GARIN1A: variants seen among roughly 807,000 people sequenced by gnomAD.
GARIN1A encodes golgi associated RAB2 interactor 1A.
the GARIN1A span, among the ~76,000 whole-genome samples, chr7:128,679,647 G>A: frequency 6.6e-6 from 1 of 152,166 alleles, no homozygotes; most frequent in Non-Finnish European, 1.5e-5. Flanking sequence ...GCACAGGAAG[G>A]AAGGCCAATA....
chr7:128,704,863 T>A, the GARIN1A span, among the ~76,000 whole-genome samples: 1 of 152,162 alleles, frequency 6.6e-6, no homozygotes, highest in African/African-American at 2.4e-5. Context: ...AGTGGGTAAA[T>A]TTGCTTCTTA....
At chr7:128,674,593 A>G in the GARIN1A span, among the ~76,000 whole-genome samples, 41,096 of 152,142 alleles carry the variant, frequency 0.27, 5,920 homozygotes, top group East Asian at 0.54. Flanking sequence ...CAATGTGTAC[A>G]ACCCTTTGTG....
chr7:128,674,070 G>C, the GARIN1A span, among the ~76,000 whole-genome samples: 2 of 152,058 alleles, frequency 1.3e-5, no homozygotes, highest in African/African-American at 4.8e-5. Flanking sequence ...ATTTTTTTGT[G>C]TTTTAGTAGA....
the GARIN1A span, among the ~76,000 whole-genome samples, chr7:128,702,292 A>G: frequency 6.6e-6 from 1 of 152,254 alleles, no homozygotes; most frequent in African/African-American, 2.4e-5. Context: ...TAGTTTCTCT[A>G]AAAGGTAAAG....
the GARIN1A span, chr7:128,683,918 G>T: frequency 6.5e-6 from 1 of 153,100 alleles, no homozygotes; most frequent in South Asian, 1.9e-4. Flanking sequence ...TCTGGAGCAG[G>T]AGAAAGAAAG....
the GARIN1A span, among the ~76,000 whole-genome samples, chr7:128,689,791 G>A: frequency 3.7e-5 from 4 of 109,506 alleles, 2 homozygotes; most frequent in Non-Finnish European, 8.1e-5. Flanking sequence ...GGAGGTGGGG[G>A]GTCAGCCCCC....
At chr7:128,707,216 A>ATGTGTGTGTGTGTGTG in the GARIN1A span, among the ~76,000 whole-genome samples, 72 of 47,424 alleles carry the variant, frequency 1.5e-3, 1 homozygote, top group African/African-American at 4.6e-3. Context: ...TATTGTGTGT[A>ATGTGTGTGTGTGTGTG]TGTATGTGTG....
chr7:128,671,908 ATCCTT>A, the GARIN1A span, among the ~76,000 whole-genome samples: 13 of 151,304 alleles, frequency 8.6e-5, no homozygotes, highest in Non-Finnish European at 1.5e-5. Context: ...CCTTTTTCCT[ATCCTT>A]AGACTTCCCT....
At chr7:128,701,377 G>T in the GARIN1A span, among the ~76,000 whole-genome samples, 1 of 33,196 alleles carries the variant, frequency 3.0e-5, no homozygotes, top group African/African-American at 1.4e-4. Context: ...GAGGGGAAGG[G>T]GAGGGAGAGG....
At chr7:128,703,940 G>T in the GARIN1A span, among the ~76,000 whole-genome samples, 1 of 152,150 alleles carries the variant, frequency 6.6e-6, no homozygotes, top group Non-Finnish European at 1.5e-5. Context: ...CTGTGCATTT[G>T]TTAAAAGGTA....
At chr7:128,684,291 C>A in the GARIN1A span, 1 of 152,162 alleles carries the variant, frequency 6.6e-6, no homozygotes, top group African/African-American at 2.4e-5. Context: ...CTGGAAGATT[C>A]CTTTGTGTTG....
At chr7:128,689,258 G>A in the GARIN1A span, among the ~76,000 whole-genome samples, 1 of 152,086 alleles carries the variant, frequency 6.6e-6, no homozygotes, top group Admixed American at 6.5e-5. Context: ...CTGCCTAGCC[G>A]CCCATCGTCT....
chr7:128,681,889 C>A, the GARIN1A span, among the ~76,000 whole-genome samples: 9 of 148,154 alleles, frequency 6.1e-5, no homozygotes, highest in Admixed American at 5.6e-4. Flanking sequence ...GCACCCCCCC[C>A]CACAACCCCC....
chr7:128,684,016 G>A, the GARIN1A span: 2 of 151,616 alleles, frequency 1.3e-5, no homozygotes, highest in African/African-American at 4.8e-5. Context: ...CCACCCCCAT[G>A]ATCCAATCAC....
At chr7:128,707,679 CT>C in the GARIN1A span, among the ~76,000 whole-genome samples, 1 of 152,058 alleles carries the variant, frequency 6.6e-6, no homozygotes, top group Non-Finnish European at 1.5e-5. Flanking sequence ...TCTTGAACTC[CT>C]GGGTTCAAAT....
At chr7:128,697,795 C>G in the GARIN1A span, 1 of 153,792 alleles carries the variant, frequency 6.5e-6, no homozygotes, top group Non-Finnish European at 1.4e-5. Flanking sequence ...CTCCCAGCCC[C>G]CTGGCGGAGC....
chr7:128,681,016 G>T, the GARIN1A span, among the ~76,000 whole-genome samples: 2 of 152,250 alleles, frequency 1.3e-5, no homozygotes, highest in Non-Finnish European at 2.9e-5. Context: ...TGCTGCACAA[G>T]TGCAACTTGT....
the GARIN1A span, among the ~76,000 whole-genome samples, chr7:128,699,220 G>A: frequency 6.9e-6 from 1 of 144,088 alleles, no homozygotes; most frequent in Non-Finnish European, 1.5e-5. Flanking sequence ...CAATAATACA[G>A]AACTAAAGTA....
chr7:128,687,952 A>G, the GARIN1A span: 2 of 151,876 alleles, frequency 1.3e-5, no homozygotes, highest in Non-Finnish European at 2.9e-5. Flanking sequence ...TTTTTAGAGT[A>G]TTGTTACGCC....
Sources: allele counts gnomAD v4.1 joint callset (sites outside exome capture counted in the v4.1 genomes callset), GRCh38; gene constraint gnomAD v4.1.1; transcripts MANE v1.5; gene names NCBI Gene and HGNC (gene_info 2026-07-23, HGNC 2026-07-21).